Variants in TENM3 observed in about 807,000 individuals in gnomAD.
TENM3 encodes teneurin transmembrane protein 3.
Under a neutral mutation model 255.1 loss-of-function variants are expected in TENM3, and 63 were observed. The observed-to-expected ratio is 0.25, with a 90% confidence interval of 0.20 to 0.30. The LOEUF (loss-of-function observed/expected upper bound fraction) is 0.30, where lower values mean the gene tolerates loss of function less well. Among genes scored for constraint, TENM3 ranks in the 10% least tolerant of loss-of-function variants. The pLI is 1.00. For synonymous variants in TENM3, 1,306 were observed against 1,322.3 expected (o/e 0.99, Z 0.27); for missense variants, 2,929 against 3,461.1 (o/e 0.85, Z 3.86).
chr4:181,528,260 A>C, the TENM3 span, among the ~76,000 whole-genome samples: 2 of 152,212 alleles, frequency 1.3e-5, no homozygotes, highest in African/African-American at 2.4e-5. Context: ...GTTTCTACAC[A>C]GGACTCTTTA....
chr4:182,320,345 C>T (rs1045647690), intron 1 of TENM3, among the ~76,000 whole-genome samples: 12 of 152,156 alleles, frequency 7.9e-5, no homozygotes, highest in Non-Finnish European at 1.3e-4. Flanking sequence ...AGGGCCACAC[C>T]TCTGCGGTCC....
the TENM3 span, among the ~76,000 whole-genome samples, chr4:181,549,144 C>T: frequency 6.6e-6 from 1 of 152,272 alleles, no homozygotes; most frequent in East Asian, 1.9e-4. Context: ...GCCCTCACCC[C>T]CTTACCCTAT....
At chr4:181,576,725 C>T in the TENM3 span, among the ~76,000 whole-genome samples, 1 of 151,488 alleles carries the variant, frequency 6.6e-6, no homozygotes, top group Non-Finnish European at 1.5e-5. Context: ...GAGGAAGAAA[C>T]ATCTAATTAT....
chr4:182,327,277 T>A (rs955533), intron 2 of TENM3, among the ~76,000 whole-genome samples: 70,298 of 151,848 alleles, frequency 0.46, 16,761 homozygotes, highest in Non-Finnish European at 0.52. Flanking sequence ...TAGCCAAATA[T>A]CATTGAAACA....
chr4:181,579,964 A>G, the TENM3 span, among the ~76,000 whole-genome samples: 1 of 124,000 alleles, frequency 8.1e-6, no homozygotes, highest in South Asian at 2.3e-4. Context: ...ATTTTATTTT[A>G]TTTTATTTTA....
the TENM3 span, among the ~76,000 whole-genome samples, chr4:181,716,802 T>C: frequency 6.6e-6 from 1 of 152,102 alleles, no homozygotes; most frequent in African/African-American, 2.4e-5. Flanking sequence ...CAGAAAAATA[T>C]GAAAAGCTGG....
chr4:182,077,680 G>A, the TENM3 span, among the ~76,000 whole-genome samples: 1 of 152,160 alleles, frequency 6.6e-6, no homozygotes, highest in African/African-American at 2.4e-5. Context: ...TAAGCACTTG[G>A]AATATAGTGG....
At chr4:182,555,367 A>T (rs1439877652) in intron 3 of TENM3, among the ~76,000 whole-genome samples, 1 of 152,200 alleles carries the variant, frequency 6.6e-6, no homozygotes, top group Non-Finnish European at 1.5e-5. Context: ...TTAAAATATT[A>T]TGCTTATATG....
At chr4:182,063,726 C>T in the TENM3 span, among the ~76,000 whole-genome samples, 4 of 152,122 alleles carry the variant, frequency 2.6e-5, no homozygotes, top group Admixed American at 6.6e-5. Flanking sequence ...ATACAAGAAG[C>T]GTTAGACATG....
chr4:182,186,261 T>G (rs1753145345), intron 1 of TENM3, among the ~76,000 whole-genome samples: 1 of 152,130 alleles, frequency 6.6e-6, no homozygotes, highest in Non-Finnish European at 1.5e-5. Context: ...TTGTCAATAA[T>G]TGTTAAAATG....
chr4:181,751,888 C>T, the TENM3 span, among the ~76,000 whole-genome samples: 17 of 152,256 alleles, frequency 1.1e-4, no homozygotes, highest in Admixed American at 2.0e-4. Context: ...GAAAAGAAGG[C>T]ACAGAGCCAG....
chr4:181,554,201 A>G, the TENM3 span, among the ~76,000 whole-genome samples: 2 of 152,190 alleles, frequency 1.3e-5, no homozygotes, highest in Non-Finnish European at 2.9e-5. Flanking sequence ...TTACGTAATT[A>G]CTAGAATAGA....
chr4:182,568,853 G>A (rs577127988), intron 3 of TENM3, among the ~76,000 whole-genome samples: 1 of 152,310 alleles, frequency 6.6e-6, no homozygotes, highest in East Asian at 1.9e-4. Flanking sequence ...AAAAACACTA[G>A]GTTAAGCAAA....
intron 3 of TENM3, among the ~76,000 whole-genome samples, chr4:182,562,622 G>A (rs1245755712): frequency 6.6e-6 from 1 of 152,074 alleles, no homozygotes; most frequent in Non-Finnish European, 1.5e-5. Flanking sequence ...GGCTGTCTCA[G>A]TTTCATCTGA....
chr4:182,443,409 T>C (rs1332925187), intron 3 of TENM3, among the ~76,000 whole-genome samples: 1 of 152,136 alleles, frequency 6.6e-6, no homozygotes, highest in East Asian at 1.9e-4. Flanking sequence ...TTCCATATAC[T>C]TCTCTGTGCT....
the TENM3 span, among the ~76,000 whole-genome samples, chr4:181,946,370 CT>C: frequency 6.6e-6 from 1 of 152,150 alleles, no homozygotes; most frequent in Non-Finnish European, 1.5e-5. Context: ...TGGCAACATG[CT>C]AGAAGGATAT....
the TENM3 span, among the ~76,000 whole-genome samples, chr4:181,968,024 T>C: frequency 6.6e-6 from 1 of 152,152 alleles, no homozygotes; most frequent in Non-Finnish European, 1.5e-5. Context: ...TGCTCCCAAA[T>C]TCTAGTCCAT....
At chr4:181,888,618 GGAA>G in the TENM3 span, among the ~76,000 whole-genome samples, 11 of 111,772 alleles carry the variant, frequency 9.8e-5, no homozygotes, top group Non-Finnish European at 1.3e-4. Flanking sequence ...GTGTGTGTGT[GGAA>G]AGAGAGAGAG....
chr4:182,609,707 T>C (rs752626658), intron 4 of TENM3, among the ~76,000 whole-genome samples: 10 of 152,188 alleles, frequency 6.6e-5, no homozygotes, highest in Non-Finnish European at 1.2e-4. Context: ...GATAGGAGGA[T>C]CTGGATTAAA....
Sources: gnomAD v4.1 joint callset for allele counts (sites outside exome capture counted in the v4.1 genomes callset) on GRCh38, gnomAD v4.1.1 for gene constraint, MANE v1.5 for transcripts, NCBI Gene and HGNC (gene_info 2026-07-23, HGNC 2026-07-21) for gene names.